CNTNAP2: variants seen among roughly 807,000 people sequenced by gnomAD.
The protein encoded by CNTNAP2 is contactin-associated protein-like 2.
A neutral mutation model predicts 155.2 loss-of-function variants in CNTNAP2; 98 were observed. The observed-to-expected ratio is 0.63, with a 90% CI of 0.54 to 0.75. The LOEUF is 0.75. CNTNAP2 is among the 30% of genes least tolerant of loss of function. The pLI, the probability that CNTNAP2 is intolerant of heterozygous loss-of-function variation, is 0.00. For synonymous variants in CNTNAP2, 651 were observed against 631.2 expected (o/e 1.03, Z -0.47); for missense variants, 1,727 against 1,688.1 (o/e 1.02, Z -0.40).
intron 9 of CNTNAP2, among the ~76,000 whole-genome samples, chr7:147,329,368 ATAAT>A (rs546536362): frequency 2.0e-5 from 3 of 152,140 alleles, no homozygotes; most frequent in African/African-American, 7.2e-5. Flanking sequence ...ATTATAATTT[ATAAT>A]TATACATTCT....
chr7:147,334,021 G>A (rs1244771228), intron 9 of CNTNAP2, among the ~76,000 whole-genome samples: 1 of 152,112 alleles, frequency 6.6e-6, no homozygotes, highest in African/African-American at 2.4e-5. Context: ...AATCTTTCAA[G>A]GGCTCATGTG....
At position 148,247,547 on chromosome 7, in the gene CNTNAP2, G is replaced by A. The variant is rs1006884406; in HGVS notation, c.3381+17768G>A. On this transcript the variant is annotated intron_variant, in intron 20 of 23. Transcript: ENST00000361727. ...TCTTTGTTTTTCTTTGCAATAAAAC[G>A]CCCGGCAATAGTTATCTATGCTTGC... is the stretch of plus-strand genomic sequence containing the variant. Among the ~76,000 whole-genome samples, 5 of 151,506 alleles carry A rather than the reference G, an allele frequency of 3.3e-5. No individual in the cohort carries two copies. In the South Asian group the frequency reaches 6.3e-4, roughly 19 times the overall value.
At chr7:147,816,552 T>C (rs980152774) in intron 13 of CNTNAP2, among the ~76,000 whole-genome samples, 9 of 152,142 alleles carry the variant, frequency 5.9e-5, no homozygotes, top group African/African-American at 2.2e-4. Context: ...ATAATGGAGA[T>C]GGTTAGCCTA....
In CNTNAP2 at chr7:148,413,402, ATATATATATATATATATATATATAT is replaced by A. The variant is rs1799894977; in HGVS notation, c.3797-2014_3797-1990del. Among the ~76,000 whole-genome samples, 6 of 39,484 alleles carry A rather than the reference ATATATATATATATATATATATATAT, an allele frequency of 1.5e-4. 2 individuals carry two copies. Among genetic ancestry groups the A allele is most frequent in the Non-Finnish European group, 1.9e-4 (4 of 21,518 alleles). The allele number at this position is 39,484 out of a possible 152,430, so 25.9% of individuals were successfully genotyped here. ...AGTGAAACTCCGTCTCAAAAAAAAA[ATATATATATATATATATATATATAT>A]ATATATATATATATATATATTGCTC... On this transcript the variant is annotated intron_variant, in intron 23 of 23. Coordinates refer to ENST00000361727, the MANE Select transcript of CNTNAP2 (RefSeq NM_014141.6).
chr7:147,814,871 TG>T (rs1234344681), intron 13 of CNTNAP2, among the ~76,000 whole-genome samples: 2 of 152,222 alleles, frequency 1.3e-5, no homozygotes, highest in Admixed American at 6.5e-5. Flanking sequence ...ATTGGGTTCC[TG>T]GGGTAACAGC....
intron 1 of CNTNAP2, among the ~76,000 whole-genome samples, chr7:146,588,575 C>T (rs1375481577): frequency 6.6e-6 from 1 of 151,656 alleles, no homozygotes; most frequent in Admixed American, 6.6e-5. Flanking sequence ...GGCATTATCA[C>T]TGCTCATTGC....
intron 1 of CNTNAP2, among the ~76,000 whole-genome samples, chr7:146,130,476 T>C (rs1157691739): frequency 6.6e-6 from 1 of 152,210 alleles, no homozygotes; most frequent in African/African-American, 2.4e-5. Flanking sequence ...TGCCTCTTAA[T>C]AATTTTTTTA....
chr7:146,200,509 TAC>T (rs1554402376), intron 1 of CNTNAP2, among the ~76,000 whole-genome samples: 3 of 110,622 alleles, frequency 2.7e-5, no homozygotes, highest in African/African-American at 9.5e-5. Flanking sequence ...TATATATATA[TAC>T]ACACACACAG....
chr7:147,165,974 T>C (rs1036528125), intron 8 of CNTNAP2, among the ~76,000 whole-genome samples: 23 of 152,250 alleles, frequency 1.5e-4, no homozygotes, highest in Admixed American at 7.2e-4. Context: ...AGTGTGGAGA[T>C]TCTTTAAAGA....
At position 146,198,625 on chromosome 7, in the gene CNTNAP2, T is replaced by G. The variant is rs927324969; in HGVS notation, c.97+81652T>G. Among the ~76,000 whole-genome samples the G allele has an allele frequency of 3.3e-5, 5 of 152,336 alleles. No individual in the cohort carries two copies. In the East Asian group the frequency reaches 7.7e-4, roughly 23 times the overall value. On this transcript the variant is annotated intron_variant, in intron 1 of 23. Coordinates refer to ENST00000361727, the MANE Select transcript of CNTNAP2 (RefSeq NM_014141.6). ...ATGGTATCATCTTACATCTTCTATC[T>G]TAAATGTTATACAAAGTGTGTAAGA...
At chr7:146,912,724 T>G (rs937649334) in intron 3 of CNTNAP2, among the ~76,000 whole-genome samples, 5 of 152,290 alleles carry the variant, frequency 3.3e-5, no homozygotes, top group Non-Finnish European at 7.4e-5. Flanking sequence ...AACATTATTT[T>G]TCTAGACTGT....
intron 1 of CNTNAP2, among the ~76,000 whole-genome samples, chr7:146,236,071 A>C (rs985060078): frequency 6.6e-6 from 1 of 152,032 alleles, no homozygotes; most frequent in Non-Finnish European, 1.5e-5. Flanking sequence ...TTTACTGTAC[A>C]TCTGTGACAA....
At chr7:146,972,729 A>G (rs1040806533) in intron 3 of CNTNAP2, among the ~76,000 whole-genome samples, 2 of 152,222 alleles carry the variant, frequency 1.3e-5, no homozygotes, top group Non-Finnish European at 2.9e-5. Flanking sequence ...GTTCTGCAGC[A>G]TTCAAAAGGC....
chr7:146,479,115 A>T (rs1168187784), intron 1 of CNTNAP2, among the ~76,000 whole-genome samples: 1 of 152,146 alleles, frequency 6.6e-6, no homozygotes, highest in South Asian at 2.1e-4. Context: ...GATTGTCAGG[A>T]TTCTACACCC....
intron 13 of CNTNAP2, 71 bp from the exon 14 acceptor site, chr7:147,903,494 G>A (rs1799908910): frequency 1.3e-6 from 2 of 1,497,344 alleles, no homozygotes; most frequent in South Asian, 1.1e-5. Context: ...CTGGGGAAGT[G>A]GGTGTAAGTG....
intron 13 of CNTNAP2, among the ~76,000 whole-genome samples, chr7:147,739,350 C>T (rs1056171134): frequency 1.3e-5 from 2 of 152,064 alleles, no homozygotes; most frequent in African/African-American, 4.8e-5. Flanking sequence ...CCCCTTAAAG[C>T]AACCTTGTTC....
At chr7:147,029,844 A>C (rs1456871226) in intron 3 of CNTNAP2, among the ~76,000 whole-genome samples, 1 of 152,224 alleles carries the variant, frequency 6.6e-6, no homozygotes, top group African/African-American at 2.4e-5. Context: ...AAAGATGGTA[A>C]TTTACCTTGC....
At position 146,222,237 on chromosome 7, in the gene CNTNAP2, G is replaced by C. The variant is rs1418163592; in HGVS notation, c.97+105264G>C. On this transcript the variant is annotated intron_variant, in intron 1 of 23. Transcript: ENST00000361727. ...CAATACAGGTGAAACACAAGCCACTGCCCTCCAGATATCCACAGGCTGACA... is the reference window on the plus strand; with the variant it reads ...CAATACAGGTGAAACACAAGCCACTCCCCTCCAGATATCCACAGGCTGACA... 5.3e-5 allele frequency among the ~76,000 whole-genome samples: 8 copies of C among 152,294 alleles called. No individual in the cohort carries two copies. The East Asian group carries it at 1.4e-3, about 26-fold the overall frequency.
chr7:147,149,732 C>A (rs543985161), intron 8 of CNTNAP2, among the ~76,000 whole-genome samples: 32 of 152,022 alleles, frequency 2.1e-4, no homozygotes, highest in African/African-American at 7.5e-4. Context: ...TAGATAGATA[C>A]ATAGATAGAA....
Sources: gnomAD v4.1 joint callset for allele counts (sites outside exome capture counted in the v4.1 genomes callset) on GRCh38, gnomAD v4.1.1 for gene constraint, MANE v1.5 for transcripts, NCBI Gene and HGNC (gene_info 2026-07-23, HGNC 2026-07-21) for gene names.